The following GABRG3 variants were observed in gnomAD, a reference collection of about 807,000 sequenced individuals.
GABRG3 encodes the protein gamma-aminobutyric acid receptor subunit gamma-3.
In GABRG3, 25 loss-of-function variants were observed where a neutral mutation model predicts 48.8. That is an observed-to-expected ratio of 0.51 (90% CI 0.37 to 0.72). The LOEUF is 0.72. Among genes scored for constraint, GABRG3 ranks in the 30% least tolerant of loss-of-function variants. The probability of loss-of-function intolerance (pLI) is 0.00; values close to 1 mark genes in which losing one functional copy is unlikely to be tolerated. For missense variants in GABRG3, 394 were observed against 577.9 expected, an observed-to-expected ratio of 0.68 and a Z score of 3.26; for synonymous variants, 227 against 217.6, an observed-to-expected ratio of 1.04 and a Z score of -0.38.
chr15:27,115,942 C>A (rs1955642238), intron 3 of GABRG3, among the ~76,000 whole-genome samples: 1 of 152,090 alleles, frequency 6.6e-6, no homozygotes, highest in Non-Finnish European at 1.5e-5. Flanking sequence ...AAAATGAAGC[C>A]CTCAGTGCAG....
At chr15:27,038,582 G>A (rs1896219630) in intron 3 of GABRG3, among the ~76,000 whole-genome samples, 1 of 152,204 alleles carries the variant, frequency 6.6e-6, no homozygotes, top group Non-Finnish European at 1.5e-5. Context: ...TGTTAGGGTT[G>A]GCAGAGCCTG....
intron 3 of GABRG3, among the ~76,000 whole-genome samples, chr15:27,307,455 G>C (rs1394064994): frequency 1.6e-5 from 1 of 62,952 alleles, no homozygotes; most frequent in East Asian, 2.8e-4. Flanking sequence ...AAACATATAG[G>C]TTTATATATT....
At chr15:27,190,017 C>T (rs1032653497) in intron 3 of GABRG3, among the ~76,000 whole-genome samples, 2 of 152,104 alleles carry the variant, frequency 1.3e-5, no homozygotes, top group African/African-American at 2.4e-5. Context: ...TGTTTATATG[C>T]TGGATTACAT....
chr15:27,135,649 G>A lies in GABRG3; in HGVS notation c.270+108828G>A, dbSNP rs142200091. ...AGGCCAGGCGCAGTGGCTCAAGCCT[G>A]TAATCCTAGCACTTTGGGAGCCCGA... On this transcript the variant is annotated intron_variant, in intron 3 of 9. Transcript: ENST00000615808. 1.1e-4 allele frequency among the ~76,000 whole-genome samples: 17 copies of A among 152,310 alleles called. No homozygotes were observed. The East Asian group carries it at 2.5e-3, about 22-fold the overall frequency.
At chr15:27,174,703 A>G (rs1046014498) in intron 3 of GABRG3, among the ~76,000 whole-genome samples, 4 of 151,744 alleles carry the variant, frequency 2.6e-5, no homozygotes, top group African/African-American at 9.7e-5. Flanking sequence ...TCATTACTCT[A>G]TATGATTCTC....
intron 5 of GABRG3, among the ~76,000 whole-genome samples, chr15:27,448,929 G>A (rs8042276): frequency 0.38 from 57,518 of 152,078 alleles, 16,902 homozygotes; most frequent in African/African-American, 0.81. Flanking sequence ...GTTCTTTCAG[G>A]CAGACTCAGG....
chr15:27,407,252 A>C (rs1887665156), intron 5 of GABRG3, among the ~76,000 whole-genome samples: 1 of 152,088 alleles, frequency 6.6e-6, no homozygotes, highest in Admixed American at 6.6e-5. Flanking sequence ...TTAAAAAAAT[A>C]ATTGGCTGCC....
chr15:27,262,367 A>G, intron 3 of GABRG3, among the ~76,000 whole-genome samples: 1 of 152,200 alleles, frequency 6.6e-6, no homozygotes. Context: ...CAAAGCAAGA[A>G]TGCAACAGGA....
chr15:26,984,031 C>G (rs118185242), intron 2 of GABRG3, among the ~76,000 whole-genome samples: 2,189 of 152,182 alleles, frequency 0.014, 33 homozygotes, highest in Non-Finnish European at 0.019. Flanking sequence ...AGGAAGCCCT[C>G]CCTCATTTCG....
In GABRG3 at chr15:27,352,191, T is replaced by C. The variant is rs1894643338; in HGVS notation, c.574+23303T>C. 6.6e-6 allele frequency among the ~76,000 whole-genome samples: 1 copy of C among 151,818 alleles called. No individual in the cohort carries two copies. Among genetic ancestry groups the C allele is most frequent in the African/African-American group, 2.4e-5 (1 of 41,288 alleles). On this transcript the variant is annotated intron_variant, in intron 5 of 9. Transcript: ENST00000615808. The surrounding 1 kb of genome is among the most constrained non-coding windows in gnomAD (Gnocchi z 4.0). ...TGTGTATGGTGTGTGTGTTTGTGTG[T>C]ATCTTGGATCCTTTTAAGACTGCGT...
At chr15:27,356,071 GGGC>G (rs1894827987) in intron 5 of GABRG3, among the ~76,000 whole-genome samples, 2 of 152,148 alleles carry the variant, frequency 1.3e-5, no homozygotes, top group African/African-American at 4.8e-5. Flanking sequence ...TACTTTTAAA[GGGC>G]GACCTTTATA....
At chr15:27,100,566 G>A (rs926644167) in intron 3 of GABRG3, among the ~76,000 whole-genome samples, 12 of 152,084 alleles carry the variant, frequency 7.9e-5, no homozygotes, top group Admixed American at 4.6e-4. Context: ...GAACTTGCAC[G>A]CAAAACTCCT....
chr15:27,047,258 C>T (rs1021010390), intron 3 of GABRG3, among the ~76,000 whole-genome samples: 1 of 152,128 alleles, frequency 6.6e-6, no homozygotes, highest in Non-Finnish European at 1.5e-5. Flanking sequence ...GGAGAATTAG[C>T]AGTCCAGGGT....
At chr15:27,465,679 A>C (rs1889585954) in intron 5 of GABRG3, among the ~76,000 whole-genome samples, 1 of 152,118 alleles carries the variant, frequency 6.6e-6, no homozygotes, top group Non-Finnish European at 1.5e-5. Context: ...CCAGTCACCC[A>C]ATCTCTTATT....
chr15:27,383,133 T>C (rs1895825903), intron 5 of GABRG3, among the ~76,000 whole-genome samples: 1 of 152,154 alleles, frequency 6.6e-6, no homozygotes, highest in South Asian at 2.1e-4. Flanking sequence ...CCGTGAGCTG[T>C]GCTGATGTGC....
intron 6 of GABRG3, 65 bp downstream of exon 6, chr15:27,480,852 A>G (rs1890085676): frequency 1.3e-6 from 2 of 1,581,162 alleles, no homozygotes; most frequent in East Asian, 2.3e-5. Flanking sequence ...ATATGTAGTC[A>G]TATCCTTAAT....
At chr15:27,072,817 A>G (rs916267366) in intron 3 of GABRG3, among the ~76,000 whole-genome samples, 1 of 152,180 alleles carries the variant, frequency 6.6e-6, no homozygotes, top group Non-Finnish European at 1.5e-5. Flanking sequence ...GACTCACTCA[A>G]CTGCAAGACA....
At chr15:27,355,279 C>T (rs1332198225) in intron 5 of GABRG3, among the ~76,000 whole-genome samples, 1 of 152,030 alleles carries the variant, frequency 6.6e-6, no homozygotes, top group Non-Finnish European at 1.5e-5. Context: ...TGCAACTCAA[C>T]AATAAAAACA....
chr15:27,144,652 T>G (rs1214718063), intron 3 of GABRG3, among the ~76,000 whole-genome samples: 1 of 152,202 alleles, frequency 6.6e-6, no homozygotes, highest in African/African-American at 2.4e-5. Flanking sequence ...ATCCAGAAGT[T>G]CACATATATG....
Sources: gnomAD v4.1 joint callset for allele counts (sites outside exome capture counted in the v4.1 genomes callset) on GRCh38, gnomAD v4.1.1 for gene constraint, Gnocchi (gnomAD v3.1) non-coding constraint, MANE v1.5 for transcripts, NCBI Gene and HGNC (gene_info 2026-07-23, HGNC 2026-07-21) for gene names.